The following EMC2 variants were observed in gnomAD, a reference collection of about 807,000 sequenced individuals.
EMC2 encodes ER membrane protein complex subunit 2.
Under a neutral mutation model 51.6 loss-of-function variants are expected in EMC2, and 37 were observed. That is an observed-to-expected ratio of 0.72 (90% confidence interval 0.55 to 0.94). The LOEUF (loss-of-function observed/expected upper bound fraction) is 0.94, where lower values mean the gene tolerates loss of function less well. Ranked by LOEUF, EMC2 falls within the 40% of genes least tolerant of loss-of-function variation. EMC2 has a pLI of 0.00. For synonymous variants in EMC2, 131 were observed against 112.4 expected, an observed-to-expected ratio of 1.17 and a Z score of -1.04; for missense variants, 359 against 350.9, an observed-to-expected ratio of 1.02 and a Z score of -0.18.
intron 10 of EMC2, among the ~76,000 whole-genome samples, chr8:108,482,130 C>T (rs146427206): frequency 6.6e-6 from 1 of 152,246 alleles, no homozygotes; most frequent in East Asian, 1.9e-4. Context: ...GGTAAGAGTT[C>T]TAATAGCCCC....
At position 108,455,907 on chromosome 8, in the gene EMC2, T is replaced by C; in HGVS notation, c.340T>C (p.Leu114=). ...TGCTATACAGCTATATGATAGGATTTTACAAGAAGATCCAACTAACACTGT... is the reference window on the plus strand; with the variant it reads ...TGCTATACAGCTATATGATAGGATTCTACAAGAAGATCCAACTAACACTGT... ...DDAIQLYDRI[L]QEDPTNTAAR... The change falls in exon 5 of 11, where the codon TTA becomes CTA. Residue 114 remains leucine, a synonymous_variant. Coordinates refer to ENST00000220853, the MANE Select transcript of EMC2 (RefSeq NM_014673.5). 1 of 1,379,146 alleles carries C rather than the reference T, an allele frequency of 7.3e-7. No homozygotes were observed. Among genetic ancestry groups the C allele is most frequent in the Non-Finnish European group, 9.9e-7 (1 of 1,013,634 alleles). The allele number at this position is 1,379,146 out of a possible 1,614,324, so 85.4% of individuals were successfully genotyped here.
intron 5 of EMC2, among the ~76,000 whole-genome samples, chr8:108,465,582 C>T (rs1267895642): frequency 2.0e-5 from 3 of 152,092 alleles, no homozygotes; most frequent in Admixed American, 6.6e-5. Flanking sequence ...GTTTGTGGTT[C>T]GTGGTATTCT....
intron 5 of EMC2, among the ~76,000 whole-genome samples, chr8:108,468,484 G>A (rs927805459): frequency 6.6e-6 from 1 of 151,838 alleles, no homozygotes; most frequent in African/African-American, 2.4e-5. Flanking sequence ...CTCAGGATAT[G>A]CTTAAGGATA....
intron 7 of EMC2, chr8:108,473,780 G>T (rs1191182355): frequency 6.6e-6 from 1 of 152,002 alleles, no homozygotes; most frequent in African/African-American, 2.4e-5. Flanking sequence ...AGGAAGAGAA[G>T]AAAACTTTAT....
chr8:108,449,154 C>G (rs2130331977), intron 1 of EMC2, among the ~76,000 whole-genome samples: 1 of 152,282 alleles, frequency 6.6e-6, no homozygotes, highest in Non-Finnish European at 1.5e-5. Context: ...TGCTCTGTTG[C>G]TCAGACTGGA....
At chr8:108,479,815 A>G (rs1292599314) in intron 10 of EMC2, among the ~76,000 whole-genome samples, 1 of 152,032 alleles carries the variant, frequency 6.6e-6, no homozygotes, top group Non-Finnish European at 1.5e-5. Flanking sequence ...CAGGCTGGCC[A>G]TGAACTCCTG....
chr8:108,445,879 T>C (rs1437064731), intron 1 of EMC2, among the ~76,000 whole-genome samples: 2 of 152,216 alleles, frequency 1.3e-5, no homozygotes, highest in African/African-American at 4.8e-5. Flanking sequence ...TATAAGCCAT[T>C]TTTCTAGCGT....
rs1811148238 is a variant in EMC2 at position 108,486,699 on chromosome 8, G to A, written c.*101G>A. 8.6e-7 allele frequency: 1 copy of A among 1,164,532 alleles called. No individual in the cohort carries two copies. Among genetic ancestry groups the A allele is most frequent in the South Asian group, 2.2e-5 (1 of 45,316 alleles). 72.1% of individuals were successfully genotyped at this position (1,164,532 alleles called of 1,614,324 possible). On this transcript the variant is annotated 3_prime_UTR_variant, in exon 11 of 11. Coordinates refer to ENST00000220853, the MANE Select transcript of EMC2 (RefSeq NM_014673.5). ...TGCTCAGTGCTATTTATATACTACAGTAATTTTCTGTTAAGAAGGCAGTTG... is the reference window on the plus strand; with the variant it reads ...TGCTCAGTGCTATTTATATACTACAATAATTTTCTGTTAAGAAGGCAGTTG...
In EMC2 at chr8:108,488,114, A is replaced by G. The variant is rs539048607; in HGVS notation, c.*1516A>G. On this transcript the variant is annotated 3_prime_UTR_variant, in exon 11 of 11. Coordinates refer to ENST00000220853, the MANE Select transcript of EMC2 (RefSeq NM_014673.5). ...GATTAGTGTTTACTCTAGCAATTAT[A>G]TTTGTGTAATAAGTAATTCAGTGCC... is the stretch of plus-strand genomic sequence containing the variant. Among the ~76,000 whole-genome samples, 1 of 149,686 alleles carries G rather than the reference A, an allele frequency of 6.7e-6. No homozygotes were observed. Among genetic ancestry groups the G allele is most frequent in the South Asian group, 2.1e-4 (1 of 4,768 alleles).
At chr8:108,445,315 G>A (rs540718370) in intron 1 of EMC2, among the ~76,000 whole-genome samples, 30 of 152,320 alleles carry the variant, frequency 2.0e-4, no homozygotes, top group African/African-American at 7.2e-4. Context: ...TCCTCTGTAT[G>A]ATCTGGCGGT....
chr8:108,455,724 CTT>C, intron 4 of EMC2, 147 bp from the exon 5 acceptor site: 1 of 351,376 alleles, frequency 2.8e-6, no homozygotes, highest in Non-Finnish European at 5.2e-6. Context: ...AGATGGAAGA[CTT>C]CGGTAACGAT....
intron 7 of EMC2, among the ~76,000 whole-genome samples, chr8:108,473,565 G>A (rs2130395914): frequency 6.6e-6 from 1 of 151,988 alleles, no homozygotes; most frequent in African/African-American, 2.4e-5. Context: ...TACTTCATTT[G>A]TTATTGAAAC....
intron 10 of EMC2, among the ~76,000 whole-genome samples, chr8:108,484,164 T>C (rs1305952455): frequency 6.6e-6 from 1 of 152,104 alleles, no homozygotes; most frequent in Non-Finnish European, 1.5e-5. Context: ...AAATCCTTCT[T>C]TGTTGCACTG....
intron 7 of EMC2, among the ~76,000 whole-genome samples, chr8:108,472,368 A>G (rs1374428707): frequency 6.6e-6 from 1 of 152,018 alleles, no homozygotes; most frequent in East Asian, 1.9e-4. Context: ...AGGTGAATGT[A>G]CACTTAAGAG....
intron 5 of EMC2, chr8:108,464,184 G>A (rs1819407200): frequency 6.6e-6 from 1 of 152,188 alleles, no homozygotes; most frequent in African/African-American, 2.4e-5. Flanking sequence ...TTCCCCCACT[G>A]TAACTGGGGA....
At chr8:108,482,119 C>T (rs1034739566) in intron 10 of EMC2, among the ~76,000 whole-genome samples, 6 of 152,202 alleles carry the variant, frequency 3.9e-5, no homozygotes, top group East Asian at 3.9e-4. Context: ...CTCCCACCAG[C>T]GGTAAGAGTT....
intron 9 of EMC2, among the ~76,000 whole-genome samples, chr8:108,477,551 T>G (rs1028343306): frequency 1.3e-5 from 2 of 152,038 alleles, no homozygotes; most frequent in African/African-American, 4.8e-5. Context: ...GATGAGTGTC[T>G]TCTTGTTGCA....
intron 1 of EMC2, among the ~76,000 whole-genome samples, chr8:108,445,678 A>G (rs1818861840): frequency 6.6e-6 from 1 of 152,128 alleles, no homozygotes; most frequent in East Asian, 1.9e-4. Flanking sequence ...TTCTAATACT[A>G]TTGAAGCACT....
chr8:108,476,708 A>G (rs1871685), intron 8 of EMC2, 74 bp from the exon 9 acceptor site: 462,020 of 707,524 alleles, frequency 0.65, 152,995 homozygotes, highest in African/African-American at 0.81. Context: ...CTGAATGCCT[A>G]TGGTATGATG....
Sources: allele counts gnomAD v4.1 joint callset (sites outside exome capture counted in the v4.1 genomes callset), GRCh38; gene constraint gnomAD v4.1.1; transcripts MANE v1.5; gene names NCBI Gene and HGNC (gene_info 2026-07-23, HGNC 2026-07-21).